Variants in STAR observed in about 807,000 individuals in gnomAD.
STAR encodes steroidogenic acute regulatory protein, mitochondrial.
STAR carries 32 observed loss-of-function variants against 32.3 expected under a neutral mutation model. That is an observed-to-expected ratio of 0.99 (90% CI 0.75 to 1.33). The LOEUF (loss-of-function observed/expected upper bound fraction) is 1.33. Ranked by LOEUF, STAR falls within the 40% of genes most tolerant of loss-of-function variation. The probability of loss-of-function intolerance (pLI) is 0.00; values close to 1 mark genes in which losing one functional copy is unlikely to be tolerated. For synonymous variants in STAR, 134 were observed against 140.5 expected (o/e 0.95, Z 0.33); for missense variants, 375 against 379.0 (o/e 0.99, Z 0.09).
In STAR at chr8:38,148,771, C is replaced by T; in HGVS notation, c.65-17G>A. On this transcript the variant is annotated splice_polypyrimidine_tract_variant and intron_variant, in intron 1 of 6. Coordinates refer to ENST00000276449, the MANE Select transcript of STAR (RefSeq NM_000349.3). ...GCCTCAGCCCTGCAGAAGGGAATAA[C>T]CCTTGTCTAGGAGCTGGAAAGCCCC... The T allele has an allele frequency of 6.2e-7, 1 of 1,607,316 alleles. No individual in the cohort carries two copies. The highest frequency in any genetic ancestry group is 1.1e-5 in the South Asian group (1 of 90,912).
rs1206684607 is a variant in STAR, at chr8:38,144,447, C to T, written c.745-61G>A. The stretch of plus-strand genomic sequence containing the variant: ...GGGTTTTGGCCCACTCTTGACACTG[C>T]ACCCTATCACAAACAGGCTGCCAGG... On this transcript the variant is annotated intron_variant, in intron 6 of 6. Coordinates refer to ENST00000276449, the MANE Select transcript of STAR (RefSeq NM_000349.3). 8 of 1,547,556 alleles carry T rather than the reference C, an allele frequency of 5.2e-6. No homozygotes were observed. The Admixed American group carries it at 1.6e-4, about 30-fold the overall frequency.
intron 1 of STAR, 158 bp from the exon 2 acceptor site, chr8:38,148,912 C>T (rs1452501008): frequency 3.1e-6 from 2 of 654,442 alleles, no homozygotes; most frequent in Non-Finnish European, 5.4e-6. Context: ...GAACTAGAGC[C>T]AGGCCCTCAA....
At chr8:38,145,030 GAA>G (rs1802541440) in intron 6 of STAR, 190 bp downstream of exon 6, 11 of 1,129,566 alleles carry the variant, frequency 9.7e-6, no homozygotes, top group South Asian at 2.1e-5. Flanking sequence ...AAAAAAAAAA[GAA>G]GAGGGGGCCA....
At position 38,144,103 on chromosome 8, in the gene STAR, A is replaced by C; in HGVS notation, c.*170T>G. 1.4e-6 allele frequency: 1 copy of C among 691,536 alleles called. No individual in the cohort carries two copies. The highest frequency in any genetic ancestry group is 2.6e-6 in the Non-Finnish European group (1 of 387,826). The allele number at this position is 691,536 out of a possible 1,614,324, so 42.8% of individuals were successfully genotyped here. A position where few individuals can be genotyped will look rare whatever the true frequency, so the allele number is the denominator to read the frequency against. On this transcript the variant is annotated 3_prime_UTR_variant, in exon 7 of 7. Transcript: ENST00000276449. ...AGAGCCTCATCCCTGTTTTCTTGGTACTAAAAACTTTCACCAATCTGAATC... is the reference window on the plus strand; with the variant it reads ...AGAGCCTCATCCCTGTTTTCTTGGTCCTAAAAACTTTCACCAATCTGAATC...
intron 3 of STAR, among the ~76,000 whole-genome samples, chr8:38,146,781 T>TTA (rs58625015): frequency 0.9 from 129,834 of 144,824 alleles, 58,811 homozygotes; most frequent in Non-Finnish European, 0.98. Context: ...AAAAAAAATT[T>TTA]TATATATATA....
chr8:38,148,331 G>T lies in STAR; in HGVS notation c.179-4C>A. The T allele has an allele frequency of 1.2e-6, 2 of 1,614,048 alleles. No homozygotes were observed. Among genetic ancestry groups the T allele is most frequent in the South Asian group, 2.2e-5 (2 of 91,042 alleles). On this transcript the variant is annotated splice_region_variant and splice_polypyrimidine_tract_variant and intron_variant, in intron 2 of 6. Transcript: ENST00000276449. ...AGAGTCTCTTCCAGCCGAGAACCTG[G>T]ATACACAGCCGAGGAGAGACAGAGC... is the stretch of plus-strand genomic sequence containing the variant.
At position 38,146,685 on chromosome 8, in the gene STAR, G is replaced by A. The variant is rs1319910162; in HGVS notation, c.307-238C>T. 2.6e-5 allele frequency among the ~76,000 whole-genome samples: 4 copies of A among 152,098 alleles called. No individual in the cohort carries two copies. In the East Asian group the frequency reaches 7.8e-4, roughly 30 times the overall value. On this transcript the variant is annotated intron_variant, in intron 3 of 6. Coordinates refer to ENST00000276449, the MANE Select transcript of STAR (RefSeq NM_000349.3). ...AGCTACTTGGGAAGCTGAGGCAGGA[G>A]AATTGCTTGAACCTGCACGGCAGAG...
In STAR at chr8:38,144,940, C is replaced by T. The variant is rs865956664; in HGVS notation, c.744+282G>A. The T allele has an allele frequency of 9.7e-5, 109 of 1,123,258 alleles. No homozygotes were observed. The Middle Eastern group carries it at 1.8e-3, about 19-fold the overall frequency. The allele number at this position is 1,123,258 out of a possible 1,614,324, so 69.6% of individuals were successfully genotyped here. A position where few individuals can be genotyped will look rare whatever the true frequency, so the allele number is the denominator to read the frequency against. ...GGAAGAATCACTTGAATCCGGGAGG[C>T]GGAGGTTACGGTGAGCTGAGACCAT... On this transcript the variant is annotated intron_variant, in intron 6 of 6. Coordinates refer to ENST00000276449, the MANE Select transcript of STAR (RefSeq NM_000349.3).
chr8:38,147,039 G>T (rs1802587231), intron 3 of STAR, among the ~76,000 whole-genome samples: 1 of 151,322 alleles, frequency 6.6e-6, no homozygotes, highest in Admixed American at 6.6e-5. Flanking sequence ...CCAGGCTGGA[G>T]TGCAGTGGCA....
rs893784335 is a variant in STAR, at chr8:38,148,532, T to C, written c.178+109A>G. ...GAGGAACTCTAGGCTGGGGACGTCCTCTCAAAATGAAGGAATGGCAGGAGG... is the reference window on the plus strand; with the variant it reads ...GAGGAACTCTAGGCTGGGGACGTCCCCTCAAAATGAAGGAATGGCAGGAGG... On this transcript the variant is annotated intron_variant, in intron 2 of 6. Transcript: ENST00000276449. 6 of 1,355,786 alleles carry C rather than the reference T, an allele frequency of 4.4e-6. No homozygotes were observed. The African/African-American group carries it at 8.6e-5, about 19-fold the overall frequency. 84.0% of individuals were successfully genotyped at this position (1,355,786 alleles called of 1,614,324 possible).
Position 38,148,263 on chromosome 8 carries a change from C to T in STAR, c.243G>A (p.Glu81=), listed in dbSNP as rs1802609194. 4.3e-6 allele frequency: 7 copies of T among 1,614,000 alleles called. No homozygotes were observed. The highest frequency in any genetic ancestry group is 2.7e-5 in the African/African-American group (2 of 74,908). Residue 81 remains glutamate (E), a synonymous_variant, in exon 3 of 7, where the codon GAG becomes GAA. Transcript: ENST00000276449. ...GGATGCCCAAGGCCTTCTGCATGGC[C>T]TCCTCCCCCTGCTGGAGATAGGCCA... The part of the protein sequence containing the change: ...QELAYLQQGE[E]AMQKALGILS...
At position 38,150,735 on chromosome 8, in the gene STAR, C is replaced by T; in HGVS notation, c.64+20G>A. 7 of 1,605,700 alleles carry T rather than the reference C, an allele frequency of 4.4e-6. No homozygotes were observed. Among genetic ancestry groups the T allele is most frequent in the Non-Finnish European group, 5.9e-6 (7 of 1,179,984 alleles). On this transcript the variant is annotated intron_variant, in intron 1 of 6. Coordinates refer to ENST00000276449, the MANE Select transcript of STAR (RefSeq NM_000349.3). The stretch of plus-strand genomic sequence containing the variant: ...TGAGAGCTGGCCAACCCCTCATCGC[C>T]TCCTTCCCGCAGCGCTCACCCTTCA...
chr8:38,148,533 C>G, intron 2 of STAR, 108 bp downstream of exon 2: 1 of 1,368,402 alleles, frequency 7.3e-7, no homozygotes. Context: ...GGGACGTCCT[C>G]TCAAAATGAA....
At chr8:38,145,884 G>T in intron 5 of STAR, 79 bp downstream of exon 5, 2 of 1,574,226 alleles carry the variant, frequency 1.3e-6, no homozygotes, top group Non-Finnish European at 8.7e-7. Context: ...TGGAGCTGGG[G>T]ATGCAGTCCA....
intron 6 of STAR, chr8:38,144,892 C>A: frequency 1.3e-6 from 1 of 765,858 alleles, no homozygotes; most frequent in Non-Finnish European, 1.8e-6. Flanking sequence ...GCCTGTAGTT[C>A]CAGCTACTCA....
chr8:38,148,255 T>C lies in STAR; in HGVS notation c.251A>G (p.Gln84Arg). Residue 84 changes from glutamine to arginine, a missense_variant, in exon 3 of 7, where the codon CAG (glutamine) becomes CGG (arginine). By Grantham distance (43) the Gln-to-Arg change is conservative. Coordinates refer to ENST00000276449, the MANE Select transcript of STAR (RefSeq NM_000349.3). ...AYLQQGEEAM[Q>R]KALGILSNQE... ...GTTGCTAAGGATGCCCAAGGCCTTC[T>C]GCATGGCCTCCTCCCCCTGCTGGAG... 6.2e-7 allele frequency: 1 copy of C among 1,614,134 alleles called. No homozygotes were observed. The highest frequency in any genetic ancestry group is 8.5e-7 in the Non-Finnish European group (1 of 1,180,006).
rs1585625938 is a variant in STAR at position 38,146,927 on chromosome 8, T to C, written c.307-480A>G. ...GTCGGTAATCATTGTTGCCATGGCC[T>C]TGTGCATCTGCTGACAACTGGAGGA... is the stretch of plus-strand genomic sequence containing the variant. On this transcript the variant is annotated intron_variant, in intron 3 of 6. Coordinates refer to ENST00000276449, the MANE Select transcript of STAR (RefSeq NM_000349.3). 6.6e-5 allele frequency among the ~76,000 whole-genome samples: 10 copies of C among 151,830 alleles called. No individual in the cohort carries two copies. The East Asian group carries it at 1.9e-3, about 29-fold the overall frequency.
At chr8:38,145,379 C>A in intron 5 of STAR, 64 bp from the exon 6 acceptor site, 1 of 1,605,418 alleles carries the variant, frequency 6.2e-7, no homozygotes, top group Non-Finnish European at 8.5e-7. Flanking sequence ...TGGCTGCTTA[C>A]ACCAGTACCA....
chr8:38,144,632 G>A (rs942955367), intron 6 of STAR: 15 of 1,325,832 alleles, frequency 1.1e-5, no homozygotes, highest in African/African-American at 3.0e-5. Flanking sequence ...CCCTGAACCA[G>A]TTATGTTGCC....
Sources: allele counts gnomAD v4.1 joint callset (sites outside exome capture counted in the v4.1 genomes callset), GRCh38; gene constraint gnomAD v4.1.1; transcripts MANE v1.5; gene names NCBI Gene and HGNC (gene_info 2026-07-23, HGNC 2026-07-21).